ETV3L: variants seen among roughly 807,000 people sequenced by gnomAD.
The protein encoded by ETV3L is ETS variant transcription factor 3 like.
In ETV3L, 30 loss-of-function variants were observed where a neutral mutation model predicts 27.6. The ratio of observed to expected loss-of-function variants is 1.09; its 90% CI spans 0.81 to 1.48. The LOEUF is 1.48. Ranked by LOEUF, ETV3L falls within the 40% of genes most tolerant of loss-of-function variation. The pLI is 0.00. For synonymous variants in ETV3L, 186 were observed against 188.9 expected, an observed-to-expected ratio of 0.98 and a Z score of 0.12; for missense variants, 443 against 455.6, an observed-to-expected ratio of 0.97 and a Z score of 0.25.
intron 2 of ETV3L, 91 bp downstream of exon 2, chr1:157,099,050 T>G: frequency 6.5e-7 from 1 of 1,548,430 alleles, no homozygotes; most frequent in Admixed American, 1.7e-5. Flanking sequence ...TCCCAAGCCT[T>G]GGAGGGGTGG....
chr1:157,096,566 C>T (rs1195930805), intron 4 of ETV3L, among the ~76,000 whole-genome samples: 2 of 152,172 alleles, frequency 1.3e-5, no homozygotes, highest in Non-Finnish European at 2.9e-5. Flanking sequence ...TCAAAAGCCT[C>T]CCAACTCCAG....
At chr1:157,097,319 A>T (rs1013019432) in intron 4 of ETV3L, among the ~76,000 whole-genome samples, 1 of 151,632 alleles carries the variant, frequency 6.6e-6, no homozygotes, top group Admixed American at 6.6e-5. Flanking sequence ...CTAAAAATAC[A>T]AAAATTAGCT....
chr1:157,098,734 G>T lies in ETV3L; in HGVS notation c.458C>A (p.Ala153Glu). Residue 153 changes from alanine to glutamate, a missense_variant, in exon 3 of 5, where the codon GCG (alanine) becomes GAG (glutamate). By Grantham distance (107) the Ala-to-Glu change is moderately radical. Coordinates refer to ENST00000454449, the MANE Select transcript of ETV3L (RefSeq NM_001004341.2). ...ACTCTGCACACCCACGGGCACCAGC[G>T]CTGGCCGACACAGGGCAGGGGCCCC... ...LLGAPALCRP[A>E]LVPVGVQSEL... 10 of 1,610,128 alleles carry T rather than the reference G, an allele frequency of 6.2e-6. No individual in the cohort carries two copies. The highest frequency in any genetic ancestry group is 1.3e-5 in the African/African-American group (1 of 74,910).
intron 3 of ETV3L, 117 bp from the exon 4 acceptor site, chr1:157,098,105 T>G: frequency 7.9e-7 from 1 of 1,269,292 alleles, no homozygotes; most frequent in Non-Finnish European, 1.0e-6. Flanking sequence ...ATACCGATTT[T>G]TTTTTTTTTG....
At chr1:157,096,851 G>A (rs1674232039) in intron 4 of ETV3L, among the ~76,000 whole-genome samples, 1 of 152,084 alleles carries the variant, frequency 6.6e-6, no homozygotes, top group Non-Finnish European at 1.5e-5. Context: ...CCCAGGAGAC[G>A]GAGGTTGCAG....
intron 4 of ETV3L, among the ~76,000 whole-genome samples, chr1:157,094,966 T>C (rs1674192951): frequency 6.7e-6 from 1 of 148,590 alleles, no homozygotes; most frequent in African/African-American, 2.5e-5. Context: ...TTACTTAATA[T>C]GTCCAGTGTA....
rs957836280 is a variant in ETV3L, at chr1:157,093,055, G to A, written c.680C>T (p.Pro227Leu). Reference sequence around the variant, plus strand: ...GGGAGGAGTGAAGGAGGCAACACCAGGCAGCTCGCCTTGGACGCTCCCCAA... The same window carrying A: ...GGGAGGAGTGAAGGAGGCAACACCAAGCAGCTCGCCTTGGACGCTCCCCAA... The part of the protein sequence containing the change: ...CHLGSVQGEL[P>L]GVASFTPPLP... The change falls in exon 5 of 5, where the codon CCT becomes CTT. Residue 227 changes from proline to leucine, a missense_variant. Transcript: ENST00000454449. 6.5e-7 allele frequency: 1 copy of A among 1,549,560 alleles called. No homozygotes were observed.
chr1:157,097,609 A>G (rs1189287856), intron 4 of ETV3L, among the ~76,000 whole-genome samples: 2 of 152,182 alleles, frequency 1.3e-5, no homozygotes, highest in East Asian at 1.9e-4. Context: ...CACAGCACCT[A>G]GTGCTTACCT....
Position 157,099,423 on chromosome 1 carries a change from G to A in ETV3L, c.58+43C>T, listed in dbSNP as rs80223807. ...TGAGGGCTCTGGAGGCCCTGCCCTA[G>A]GCCACCGTTGGAGCAGGGGGTAGGC... On this transcript the variant is annotated intron_variant, in intron 1 of 4. Transcript: ENST00000454449. The A allele has an allele frequency of 3.3e-3, 5,290 of 1,613,962 alleles. 162 individuals are homozygous for A. In the African/African-American group the frequency reaches 0.06, roughly 18 times the overall value.
At chr1:157,098,100 G>A (rs996045517) in intron 3 of ETV3L, 112 bp from the exon 4 acceptor site, 18 of 1,261,532 alleles carry the variant, frequency 1.4e-5, no homozygotes, top group South Asian at 1.3e-4. Context: ...CTCTCATACC[G>A]ATTTTTTTTT....
At chr1:157,095,460 G>A (rs1436562773) in intron 4 of ETV3L, among the ~76,000 whole-genome samples, 1 of 152,140 alleles carries the variant, frequency 6.6e-6, no homozygotes, top group African/African-American at 2.4e-5. Context: ...GGCAGGGCAT[G>A]TGTGTTTGCC....
In ETV3L at chr1:157,098,773, G is replaced by C. The variant is rs759556960; in HGVS notation, c.419C>G (p.Pro140Arg). Reference protein sequence around the residue: ...PLWEVRAPPSPHLLLGAPALC... With the variant: ...PLWEVRAPPSRHLLLGAPALC... ...GGCAGGGGCCCCCAGCAGCAAGTGG[G>C]GGGATGGCGGCGCCCGCACTTCCCA... Residue 140 changes from proline (P) to arginine (R), a missense_variant, in exon 3 of 5, where the codon CCC becomes CGC. Pro to Arg is a moderately radical substitution (Grantham distance 103). Transcript: ENST00000454449. 5 of 1,613,832 alleles carry C rather than the reference G, an allele frequency of 3.1e-6. No homozygotes were observed. The highest frequency in any genetic ancestry group is 4.2e-6 in the Non-Finnish European group (5 of 1,179,954).
chr1:157,095,845 C>T (rs1268848439), intron 4 of ETV3L, among the ~76,000 whole-genome samples: 1 of 152,176 alleles, frequency 6.6e-6, no homozygotes, highest in African/African-American at 2.4e-5. Context: ...GCCATGGATC[C>T]TTCTTCCATG....
chr1:157,096,681 A>G lies in ETV3L; in HGVS notation c.607+1187T>C, dbSNP rs147682188. The stretch of plus-strand genomic sequence containing the variant: ...CACGCCTGTAATCCCAGCACTTTGG[A>G]AGGCCGAGGCAGGCGGATCACCTGA... On this transcript the variant is annotated intron_variant, in intron 4 of 4. Transcript: ENST00000454449. 7.0e-3 allele frequency among the ~76,000 whole-genome samples: 1,062 copies of G among 152,192 alleles called. 16 individuals are homozygous for G. Among genetic ancestry groups the G allele is most frequent in the African/African-American group, 0.024 (982 of 41,548 alleles).
rs1489506569 is a variant in ETV3L at position 157,099,345 on chromosome 1, T to A, written c.92A>T (p.Glu31Val). ...LAFPDWAYKA[E>V]SSPGSRQIQL... ...GATCTGCCGGGAGCCTGGGGACGAC[T>A]CGGCTTTGTAGGCCCAATCAGGGAA... The change falls in exon 2 of 5, where the codon GAG (glutamate) becomes GTG (valine). Residue 31 changes from glutamate to valine, a missense_variant. Glu to Val is a moderately radical substitution (Grantham distance 121). Coordinates refer to ENST00000454449, the MANE Select transcript of ETV3L (RefSeq NM_001004341.2). The A allele has an allele frequency of 6.2e-7, 1 of 1,614,030 alleles. No individual in the cohort carries two copies. The highest frequency in any genetic ancestry group is 2.2e-5 in the East Asian group (1 of 44,868).
At chr1:157,095,648 C>G (rs1674204660) in intron 4 of ETV3L, among the ~76,000 whole-genome samples, 1 of 148,946 alleles carries the variant, frequency 6.7e-6, no homozygotes, top group East Asian at 2.0e-4. Flanking sequence ...AAGGCATTCC[C>G]AGAGCTGGGA....
intron 4 of ETV3L, among the ~76,000 whole-genome samples, chr1:157,094,646 C>T (rs76890472): frequency 0.068 from 10,320 of 152,242 alleles, 463 homozygotes; most frequent in East Asian, 0.25. Context: ...GGTGTGGTGG[C>T]TCACGCTTGT....
chr1:157,099,599 G>A lies in ETV3L; in HGVS notation c.-76C>T. 2 of 1,248,212 alleles carry A rather than the reference G, an allele frequency of 1.6e-6. No homozygotes were observed. The highest frequency in any genetic ancestry group is 2.3e-6 in the Non-Finnish European group (2 of 872,980). The allele number at this position is 1,248,212 out of a possible 1,614,324, so 77.3% of individuals were successfully genotyped here. On this transcript the variant is annotated 5_prime_UTR_variant, in exon 1 of 5. Coordinates refer to ENST00000454449, the MANE Select transcript of ETV3L (RefSeq NM_001004341.2). The stretch of plus-strand genomic sequence containing the variant: ...CACTTAAGAGGAAGGGAAGGAAGGA[G>A]GCAGAGGGGAGGACAGTGAAAGAGG...
At chr1:157,096,603 T>TAC (rs1164774152) in intron 4 of ETV3L, among the ~76,000 whole-genome samples, 1 of 152,118 alleles carries the variant, frequency 6.6e-6, no homozygotes, top group African/African-American at 2.4e-5. Context: ...ACCCAAACTC[T>TAC]ACACACACAC....
Sources: allele counts gnomAD v4.1 joint callset (sites outside exome capture counted in the v4.1 genomes callset), GRCh38; gene constraint gnomAD v4.1.1; transcripts MANE v1.5; gene names NCBI Gene and HGNC (gene_info 2026-07-23, HGNC 2026-07-21).